Variants in SDCCAG8 observed in about 807,000 individuals in gnomAD.
SDCCAG8 encodes the protein serologically defined colon cancer antigen 8.
SDCCAG8 carries 74 observed loss-of-function variants against 101.8 expected under a neutral mutation model. The observed-to-expected ratio is 0.73, with a 90% CI of 0.60 to 0.88. The LOEUF (loss-of-function observed/expected upper bound fraction) is 0.88, where lower values mean the gene tolerates loss of function less well. Ranked by LOEUF, SDCCAG8 falls within the 40% of genes least tolerant of loss-of-function variation. The pLI is 0.00. For synonymous variants in SDCCAG8, 281 were observed against 292.9 expected (o/e 0.96, Z 0.41); for missense variants, 787 against 822.6 (o/e 0.96, Z 0.53).
chr1:243,370,332 G>A (rs960789582), intron 12 of SDCCAG8, among the ~76,000 whole-genome samples: 38 of 152,082 alleles, frequency 2.5e-4, no homozygotes, highest in Non-Finnish European at 1.5e-4. Flanking sequence ...AAAAATTGCA[G>A]ATTTAATGAA....
At position 243,485,667 on chromosome 1, in the gene SDCCAG8, A is replaced by AG. The variant is rs575558379; in HGVS notation, c.1986-3345dup. ...ATGCCTGTAATCCCAGCACTTTGGG[A>AG]GGCTGAGGTGGGTGAATCATGAGGT... On this transcript the variant is annotated intron_variant, in intron 16 of 17. Coordinates refer to ENST00000366541, the MANE Select transcript of SDCCAG8 (RefSeq NM_006642.5). Among the ~76,000 whole-genome samples the AG allele has an allele frequency of 1.4e-4, 22 of 152,176 alleles. No individual in the cohort carries two copies. In the East Asian group the frequency reaches 3.7e-3, roughly 25 times the overall value.
intron 15 of SDCCAG8, among the ~76,000 whole-genome samples, chr1:243,418,511 T>C (rs187103595): frequency 6.6e-6 from 1 of 152,310 alleles, no homozygotes; most frequent in Admixed American, 6.5e-5. Flanking sequence ...AAGTAGATGG[T>C]ACTTTGAAAT....
In SDCCAG8 at chr1:243,442,004, C is replaced by T. The variant is rs557440029; in HGVS notation, c.1985+15446C>T. The stretch of plus-strand genomic sequence containing the variant: ...TATTAGTACTATCAGCTCTCTGTGG[C>T]AAAAAGAGGCTCTTTAAAGATGGAA... On this transcript the variant is annotated intron_variant, in intron 16 of 17. Transcript: ENST00000366541. Among the ~76,000 whole-genome samples, 4 of 151,970 alleles carry T rather than the reference C, an allele frequency of 2.6e-5. No homozygotes were observed. In the East Asian group the frequency reaches 7.7e-4, roughly 29 times the overall value.
chr1:243,445,060 T>A (rs1450024872), intron 16 of SDCCAG8, among the ~76,000 whole-genome samples: 1 of 152,234 alleles, frequency 6.6e-6, no homozygotes, highest in Non-Finnish European at 1.5e-5. Context: ...TAAAAAAGTC[T>A]ACTTATCTCA....
chr1:243,463,456 C>A (rs1659527064), intron 16 of SDCCAG8, among the ~76,000 whole-genome samples: 2 of 152,038 alleles, frequency 1.3e-5, no homozygotes, highest in Admixed American at 6.5e-5. Context: ...GCCCTGACAT[C>A]CCCAATATGA....
intron 17 of SDCCAG8, 173 bp from the exon 18 acceptor site, chr1:243,499,583 G>T: frequency 1.5e-6 from 1 of 664,242 alleles, no homozygotes; most frequent in Non-Finnish European, 2.7e-6. Flanking sequence ...GAAGGGCTTT[G>T]ATGTGGACAA....
At chr1:243,257,575 T>C (rs1558191105) in intron 1 of SDCCAG8, among the ~76,000 whole-genome samples, 1 of 152,244 alleles carries the variant, frequency 6.6e-6, no homozygotes, top group Non-Finnish European at 1.5e-5. Context: ...TTTATACTTG[T>C]TACTTAAAGC....
At chr1:243,303,634 CATT>C (rs2071773431) in intron 6 of SDCCAG8, among the ~76,000 whole-genome samples, 1 of 152,152 alleles carries the variant, frequency 6.6e-6, no homozygotes, top group Non-Finnish European at 1.5e-5. Context: ...TTCCTAATAA[CATT>C]ATCTTTTCTC....
At chr1:243,368,036 A>G (rs1347234941) in intron 12 of SDCCAG8, among the ~76,000 whole-genome samples, 1 of 151,766 alleles carries the variant, frequency 6.6e-6, no homozygotes, top group Admixed American at 6.6e-5. Flanking sequence ...CAACATGACA[A>G]AACCCCGTCT....
intron 4 of SDCCAG8, among the ~76,000 whole-genome samples, chr1:243,279,753 T>C (rs1298315711): frequency 1.3e-5 from 2 of 152,256 alleles, no homozygotes; most frequent in Non-Finnish European, 2.9e-5. Flanking sequence ...AGAATAAATC[T>C]TACTTTATCC....
At chr1:243,326,821 C>A (rs1030476031) in intron 9 of SDCCAG8, among the ~76,000 whole-genome samples, 3 of 152,122 alleles carry the variant, frequency 2.0e-5, no homozygotes, top group Non-Finnish European at 1.5e-5. Flanking sequence ...TTTATATGAT[C>A]TACAATAGGT....
chr1:243,336,838 T>A (rs1272668983), intron 10 of SDCCAG8, among the ~76,000 whole-genome samples: 1 of 152,212 alleles, frequency 6.6e-6, no homozygotes, highest in East Asian at 1.9e-4. Flanking sequence ...GTTCATTTTT[T>A]AATGGGGTTG....
chr1:243,312,187 A>G (rs1202445570), intron 8 of SDCCAG8, among the ~76,000 whole-genome samples: 1 of 152,138 alleles, frequency 6.6e-6, no homozygotes, highest in African/African-American at 2.4e-5. Flanking sequence ...AGTGTCCAGC[A>G]CCTTTTGGGT....
At chr1:243,354,219 C>T (rs952145457) in intron 12 of SDCCAG8, among the ~76,000 whole-genome samples, 3 of 152,292 alleles carry the variant, frequency 2.0e-5, no homozygotes, top group Admixed American at 6.5e-5. Flanking sequence ...TCTAGAAACA[C>T]AGGAAGTATT....
rs187656957 is a variant in SDCCAG8, at chr1:243,398,846, C to T, written c.1617-16856C>T. The stretch of plus-strand genomic sequence containing the variant: ...AATTTAGTTGTACCTAGTAAAGTGT[C>T]TTTTGTGATATGAGTCTTTAATTTT... On this transcript the variant is annotated intron_variant, in intron 13 of 17. Transcript: ENST00000366541. Among the ~76,000 whole-genome samples, 670 of 152,274 alleles carry T rather than the reference C, an allele frequency of 4.4e-3. 4 individuals carry two copies. The highest frequency in any genetic ancestry group is 0.015 in the African/African-American group (642 of 41,554).
intron 12 of SDCCAG8, among the ~76,000 whole-genome samples, chr1:243,368,848 T>C (rs2077132650): frequency 6.6e-6 from 1 of 152,102 alleles, no homozygotes; most frequent in Non-Finnish European, 1.5e-5. Context: ...TCCTAGTAAG[T>C]GTAGTAAGGT....
intron 13 of SDCCAG8, among the ~76,000 whole-genome samples, chr1:243,413,778 G>A (rs2080361985): frequency 6.6e-6 from 1 of 152,164 alleles, no homozygotes; most frequent in African/African-American, 2.4e-5. Context: ...GTCTGACTTG[G>A]GGATGGTCTG....
At chr1:243,322,059 G>A (rs1341134506) in intron 9 of SDCCAG8, among the ~76,000 whole-genome samples, 1 of 152,256 alleles carries the variant, frequency 6.6e-6, no homozygotes, top group Non-Finnish European at 1.5e-5. Flanking sequence ...TGGGATTGCT[G>A]TGTTGAATGG....
At chr1:243,369,048 TA>T (rs926485402) in intron 12 of SDCCAG8, among the ~76,000 whole-genome samples, 54 of 152,204 alleles carry the variant, frequency 3.5e-4, no homozygotes, top group Middle Eastern at 6.8e-3. Flanking sequence ...CAAATTACTT[TA>T]AAAAAATCTC....
Sources: gnomAD v4.1 joint callset for allele counts (sites outside exome capture counted in the v4.1 genomes callset) on GRCh38, gnomAD v4.1.1 for gene constraint, MANE v1.5 for transcripts, NCBI Gene and HGNC (gene_info 2026-07-23, HGNC 2026-07-21) for gene names.